MICU1: variants seen among roughly 807,000 people sequenced by gnomAD.
MICU1 encodes mitochondrial calcium uptake 1.
Under a neutral mutation model 56.8 loss-of-function variants are expected in MICU1, and 45 were observed. The observed-to-expected ratio is 0.79, with a 90% CI of 0.62 to 1.02. The LOEUF is 1.02. MICU1 is among the 50% of genes least tolerant of loss of function. MICU1 has a pLI of 0.00. For synonymous variants in MICU1, 186 were observed against 195.1 expected (o/e 0.95, Z 0.39); for missense variants, 504 against 587.1 (o/e 0.86, Z 1.46).
chr10:72,608,549 G>A (rs1194326249), intron 1 of MICU1, among the ~76,000 whole-genome samples: 1 of 152,036 alleles, frequency 6.6e-6, no homozygotes, highest in Non-Finnish European at 1.5e-5. Context: ...ACCATAATGA[G>A]GTACTATTCA....
At chr10:72,466,114 C>CA (rs1865788014) in intron 8 of MICU1, among the ~76,000 whole-genome samples, 4 of 152,044 alleles carry the variant, frequency 2.6e-5, no homozygotes, top group Non-Finnish European at 5.9e-5. Context: ...TGCTTTGGGG[C>CA]CATTAGTAAA....
chr10:72,614,001 G>C (rs1046493047), intron 1 of MICU1, among the ~76,000 whole-genome samples: 1 of 152,184 alleles, frequency 6.6e-6, no homozygotes, highest in Admixed American at 6.5e-5. Context: ...AAAAAAATTA[G>C]CTGGGCGTGG....
chr10:72,374,237 C>T (rs1013018232), intron 11 of MICU1, among the ~76,000 whole-genome samples: 3 of 152,258 alleles, frequency 2.0e-5, no homozygotes, highest in African/African-American at 7.2e-5. Flanking sequence ...CCTCTCACTT[C>T]AGCCTCCTGA....
At chr10:72,582,539 T>A (rs1410086079) in intron 1 of MICU1, among the ~76,000 whole-genome samples, 1 of 152,160 alleles carries the variant, frequency 6.6e-6, no homozygotes, top group Non-Finnish European at 1.5e-5. Flanking sequence ...CAAGCAATCT[T>A]GAACCTTGTC....
chr10:72,608,256 G>C (rs1053227309), intron 1 of MICU1, among the ~76,000 whole-genome samples: 3 of 152,030 alleles, frequency 2.0e-5, no homozygotes, highest in African/African-American at 7.2e-5. Flanking sequence ...TTTTTTAGTA[G>C]AGACAAAGTT....
At chr10:72,560,327 T>C (rs1460373529) in intron 3 of MICU1, 4 of 152,090 alleles carry the variant, frequency 2.6e-5, no homozygotes, top group Non-Finnish European at 5.9e-5. Context: ...TGAGGCACTA[T>C]AAAGAGGGCT....
intron 5 of MICU1, chr10:72,523,827 C>T (rs1325301952): frequency 6.5e-7 from 1 of 1,527,930 alleles, no homozygotes; most frequent in Non-Finnish European, 8.8e-7. Flanking sequence ...TGAAGATCTC[C>T]TTGGCCCGTC....
intron 4 of MICU1, among the ~76,000 whole-genome samples, chr10:72,534,415 T>C (rs974976748): frequency 6.6e-6 from 1 of 152,142 alleles, no homozygotes; most frequent in Non-Finnish European, 1.5e-5. Flanking sequence ...TTTAGAACAG[T>C]GCTTGATCAA....
chr10:72,496,773 T>C (rs763764280), intron 6 of MICU1, among the ~76,000 whole-genome samples: 5 of 152,166 alleles, frequency 3.3e-5, no homozygotes, highest in East Asian at 1.9e-4. Context: ...AGTTTCACTA[T>C]GTTGCCAAGC....
intron 10 of MICU1, among the ~76,000 whole-genome samples, chr10:72,383,108 C>T (rs988856945): frequency 2.0e-5 from 3 of 151,904 alleles, no homozygotes; most frequent in Non-Finnish European, 2.9e-5. Flanking sequence ...TAGTTGGGCA[C>T]GATGGTGCGC....
chr10:72,503,214 T>C (rs1342580806), intron 6 of MICU1, among the ~76,000 whole-genome samples: 1 of 152,036 alleles, frequency 6.6e-6, no homozygotes, highest in African/African-American at 2.4e-5. Context: ...AGGGAGATCA[T>C]AGAAAAAGTA....
intron 1 of MICU1, among the ~76,000 whole-genome samples, chr10:72,583,849 C>A (rs1840972578): frequency 6.6e-6 from 1 of 152,032 alleles, no homozygotes; most frequent in Non-Finnish European, 1.5e-5. Flanking sequence ...ATGTTCATGT[C>A]CAGAAAAGAT....
chr10:72,486,950 CAGTT>C (rs1467907627), intron 6 of MICU1, among the ~76,000 whole-genome samples: 1 of 152,142 alleles, frequency 6.6e-6, no homozygotes, highest in African/African-American at 2.4e-5. Context: ...GGTAAGACAT[CAGTT>C]AGAAAAAAGC....
At chr10:72,395,842 T>C (rs1431173432) in intron 10 of MICU1, among the ~76,000 whole-genome samples, 2 of 152,226 alleles carry the variant, frequency 1.3e-5, no homozygotes. Flanking sequence ...TCCACCTCTA[T>C]GGGCAGGGCA....
chr10:72,479,360 T>C (rs1373460121), intron 6 of MICU1, among the ~76,000 whole-genome samples: 4 of 152,182 alleles, frequency 2.6e-5, no homozygotes, highest in Non-Finnish European at 5.9e-5. Flanking sequence ...CAACAAAACA[T>C]GACACAGTGG....
At chr10:72,369,479 G>A (rs1256253348) in intron 11 of MICU1, among the ~76,000 whole-genome samples, 6 of 152,144 alleles carry the variant, frequency 3.9e-5, no homozygotes, top group Non-Finnish European at 7.4e-5. Flanking sequence ...CTGGTTGTGT[G>A]AGGATGGATT....
chr10:72,458,803 C>T (rs536580343), intron 8 of MICU1, among the ~76,000 whole-genome samples: 13 of 151,616 alleles, frequency 8.6e-5, no homozygotes, highest in African/African-American at 2.4e-4. Flanking sequence ...TCAGACCTCC[C>T]GGACTCAATT....
intron 6 of MICU1, among the ~76,000 whole-genome samples, chr10:72,478,122 G>A (rs910729941): frequency 1.3e-5 from 2 of 151,048 alleles, no homozygotes; most frequent in African/African-American, 4.9e-5. Context: ...ACTCGCCTTG[G>A]CCTCCCAAAG....
chr10:72,487,808 C>T (rs575875288), intron 6 of MICU1, among the ~76,000 whole-genome samples: 1 of 152,284 alleles, frequency 6.6e-6, no homozygotes, highest in South Asian at 2.1e-4. Flanking sequence ...AGTCATTAGA[C>T]GTCCACTTTA....
Sources: allele counts gnomAD v4.1 joint callset (sites outside exome capture counted in the v4.1 genomes callset), GRCh38; gene constraint gnomAD v4.1.1; transcripts MANE v1.5; gene names NCBI Gene and HGNC (gene_info 2026-07-23, HGNC 2026-07-21).